DST: variants seen among roughly 807,000 people sequenced by gnomAD.
DST encodes the protein bullous pemphigoid antigen.
DST carries 253 observed loss-of-function variants against 875.2 expected under a neutral mutation model. The observed-to-expected ratio is 0.29, with a 90% CI of 0.26 to 0.32. DST has a LOEUF of 0.32. Among genes scored for constraint, DST ranks in the 10% least tolerant of loss-of-function variants. The pLI, the probability that DST is intolerant of heterozygous loss-of-function variation, is 1.00. For synonymous variants in DST, 3,124 were observed against 3,197.1 expected, an observed-to-expected ratio of 0.98 and a Z score of 0.77; for missense variants, 8,287 against 9,111.6, an observed-to-expected ratio of 0.91 and a Z score of 3.68.
chr6:56,531,442 C>A (rs934750220), intron 64 of DST, among the ~76,000 whole-genome samples: 1 of 152,166 alleles, frequency 6.6e-6, no homozygotes, highest in Non-Finnish European at 1.5e-5. Context: ...TTACACAGAA[C>A]GGTTAATCTG....
intron 82 of DST, 34 bp downstream of exon 82, chr6:56,497,345 C>T (rs1206015976): frequency 6.2e-7 from 1 of 1,600,396 alleles, no homozygotes; most frequent in South Asian, 1.1e-5. Context: ...GTTTGTTATT[C>T]TGAGGCTAAA....
At position 56,634,635 on chromosome 6, in the gene DST, C is replaced by G. The variant is rs748736746; in HGVS notation, c.3340-19G>C. ...TGGTTATCTGGTTTAAAATAAAGAGCAGAATAACTCAATGAGGTCACTGTT... is the reference window on the plus strand; with the variant it reads ...TGGTTATCTGGTTTAAAATAAAGAGGAGAATAACTCAATGAGGTCACTGTT... On this transcript the variant is annotated intron_variant, in intron 25 of 103. Transcript: ENST00000680361. The G allele has an allele frequency of 8.1e-6, 13 of 1,613,736 alleles. No individual in the cohort carries two copies. The highest frequency in any genetic ancestry group is 1.1e-5 in the Non-Finnish European group (13 of 1,179,822).
At chr6:56,912,931 G>A (rs916331460) in intron 2 of DST, among the ~76,000 whole-genome samples, 7 of 152,192 alleles carry the variant, frequency 4.6e-5, no homozygotes, top group African/African-American at 1.7e-4. Flanking sequence ...AGACATTGGT[G>A]AGCAAAACAC....
chr6:56,552,443 A>T lies in DST; in HGVS notation c.16349T>A (p.Leu5450Ter). ...GTCAGGAGAGGTTTCTTCTGTGGCTAACATCATCTTGCAGGTTTTATTGGC... is the reference window on the plus strand; with the variant it reads ...GTCAGGAGAGGTTTCTTCTGTGGCTTACATCATCTTGCAGGTTTTATTGGC... ...DNANKTCKMM[L>*]ATEETSPDLV... The change falls in exon 61 of 104, where the codon TTA becomes TAA. Residue 5450 changes from leucine to a stop codon, truncating the protein, a stop_gained. Transcript: ENST00000680361. LOFTEE classifies it high-confidence loss of function. 6.2e-7 allele frequency: 1 copy of T among 1,613,972 alleles called. No individual in the cohort carries two copies. Among genetic ancestry groups the T allele is most frequent in the Non-Finnish European group, 8.5e-7 (1 of 1,179,888 alleles).
intron 3 of DST, among the ~76,000 whole-genome samples, chr6:56,865,887 C>G (rs528849892): frequency 2.6e-5 from 4 of 152,240 alleles, no homozygotes; most frequent in Admixed American, 2.6e-4. Context: ...TCTTCTAAAA[C>G]ACAAAGATAG....
Position 56,561,357 on chromosome 6 carries a change from G to A in DST, c.14261C>T (p.Pro4754Leu). ...CACAGCTTCAGTATCTGTAGGTGCA[G>A]GTGTCTGCTGCCATTTTGTTGCAGT... The part of the protein sequence containing the change: ...NKTATKWQQT[P>L]APTDTEAVKT... Residue 4754 changes from proline to leucine, a missense_variant, in exon 57 of 104, where the codon CCT becomes CTT. Physicochemically the swap from Pro to Leu is moderately conservative, Grantham distance 98 (BLOSUM62 -3). Around this residue, in one of 10 missense-constraint regions of DST, gnomAD observed 1,513 missense variants for 1,677.8 expected, o/e 0.90. Transcript: ENST00000680361. 1 of 1,613,746 alleles carries A rather than the reference G, an allele frequency of 6.2e-7. No individual in the cohort carries two copies. Among genetic ancestry groups the A allele is most frequent in the Non-Finnish European group, 8.5e-7 (1 of 1,179,774 alleles).
At chr6:56,723,555 ACT>A (rs900695487) in intron 5 of DST, among the ~76,000 whole-genome samples, 2 of 151,948 alleles carry the variant, frequency 1.3e-5, no homozygotes, top group Non-Finnish European at 2.9e-5. Context: ...AAAGAGCCAA[ACT>A]CTGTTTCAAA....
chr6:56,594,963 G>A (rs575841290), intron 47 of DST, among the ~76,000 whole-genome samples: 24 of 152,344 alleles, frequency 1.6e-4, no homozygotes, highest in African/African-American at 5.8e-4. Flanking sequence ...AGTCACAGGT[G>A]TGCAGAGCTA....
chr6:56,809,255 G>GTA (rs1418228066), intron 4 of DST, among the ~76,000 whole-genome samples: 1 of 152,122 alleles, frequency 6.6e-6, no homozygotes. Context: ...CAGTCACAAA[G>GTA]TATTCAAGGA....
At chr6:56,585,427 G>A (rs2152666247) in intron 49 of DST, among the ~76,000 whole-genome samples, 1 of 151,938 alleles carries the variant, frequency 6.6e-6, no homozygotes, top group African/African-American at 2.4e-5. Context: ...ATTTCTGTGG[G>A]ATTGGTGGTG....
chr6:56,912,928 GGTGAGCAAAA>G (rs1473294500), intron 2 of DST, among the ~76,000 whole-genome samples: 1 of 152,150 alleles, frequency 6.6e-6, no homozygotes, highest in Non-Finnish European at 1.5e-5. Flanking sequence ...CACAGACATT[GGTGAGCAAAA>G]CACAGTCTAC....
intron 4 of DST, among the ~76,000 whole-genome samples, chr6:56,797,555 T>C (rs1408782374): frequency 6.6e-6 from 1 of 152,150 alleles, no homozygotes; most frequent in Non-Finnish European, 1.5e-5. Flanking sequence ...TACTCCAGGC[T>C]GGGCATGGTG....
intron 75 of DST, among the ~76,000 whole-genome samples, chr6:56,507,794 G>C (rs1190277177): frequency 6.6e-6 from 1 of 152,130 alleles, no homozygotes; most frequent in Non-Finnish European, 1.5e-5. Context: ...TGCATGCCCT[G>C]CTCTAGGGAG....
intron 10 of DST, among the ~76,000 whole-genome samples, chr6:56,660,559 T>C (rs1468616708): frequency 6.7e-6 from 1 of 150,152 alleles, no homozygotes; most frequent in Admixed American, 6.7e-5. Context: ...TGCTCAGACT[T>C]AGCATGTCCT....
intron 5 of DST, among the ~76,000 whole-genome samples, chr6:56,733,127 CA>C (rs2099508839): frequency 6.6e-6 from 1 of 152,036 alleles, no homozygotes; most frequent in South Asian, 2.1e-4. Context: ...TCCAGGCCCC[CA>C]AATCAACCTT....
chr6:56,628,552 A>G (rs571178177), intron 32 of DST, among the ~76,000 whole-genome samples: 1 of 152,338 alleles, frequency 6.6e-6, no homozygotes, highest in Non-Finnish European at 1.5e-5. Context: ...ATGGTTCAAC[A>G]TGGTCTCAGA....
At chr6:56,940,573 T>C in intron 2 of DST, among the ~76,000 whole-genome samples, 1 of 152,070 alleles carries the variant, frequency 6.6e-6, no homozygotes, top group East Asian at 1.9e-4. Flanking sequence ...CTTATCCTTT[T>C]TTTTTTCTTT....
intron 23 of DST, 29 bp from the exon 24 acceptor site, chr6:56,635,743 A>C (rs1476465918): frequency 1.9e-6 from 3 of 1,611,504 alleles, no homozygotes; most frequent in African/African-American, 2.7e-5. Context: ...TGGAAGTTAA[A>C]GTATGTTAAA....
intron 4 of DST, among the ~76,000 whole-genome samples, chr6:56,762,292 C>T (rs1472207105): frequency 2.6e-5 from 4 of 152,020 alleles, no homozygotes; most frequent in African/African-American, 4.8e-5. Context: ...AAAGTGCTGG[C>T]GTGCCCGACA....
Sources: gnomAD v4.1 joint callset for allele counts (sites outside exome capture counted in the v4.1 genomes callset) on GRCh38, gnomAD v4.1.1 for gene constraint, gnomAD v4.1.1 regional missense constraint, MANE v1.5 for transcripts, NCBI Gene and HGNC (gene_info 2026-07-23, HGNC 2026-07-21) for gene names.